NSMCE2: variants seen among roughly 807,000 people sequenced by gnomAD.
The protein encoded by NSMCE2 is NSE2 SUMO ligase component of SMC5/6 complex, also known as E3 SUMO-protein ligase NSE2.
In NSMCE2, 24 loss-of-function variants were observed where a neutral mutation model predicts 23.8. The observed-to-expected ratio is 1.01, with a 90% CI of 0.73 to 1.42. NSMCE2 has a LOEUF of 1.42. Ranked by LOEUF, NSMCE2 falls within the 40% of genes most tolerant of loss-of-function variation. NSMCE2 has a pLI of 0.00. For synonymous variants in NSMCE2, 92 were observed against 94.1 expected, an observed-to-expected ratio of 0.98 and a Z score of 0.13; for missense variants, 284 against 296.5, an observed-to-expected ratio of 0.96 and a Z score of 0.31.
chr8:125,266,153 G>A (rs112530279), intron 5 of NSMCE2, among the ~76,000 whole-genome samples: 4,936 of 148,218 alleles, frequency 0.033, 273 homozygotes, highest in African/African-American at 0.12. Context: ...AGTGCAATGC[G>A]CGATCTCCGC....
At chr8:125,336,815 A>T (rs1307790676) in intron 5 of NSMCE2, among the ~76,000 whole-genome samples, 1 of 152,236 alleles carries the variant, frequency 6.6e-6, no homozygotes, top group East Asian at 1.9e-4. Context: ...TCTTCAGATT[A>T]TAGTTCCAAG....
intron 5 of NSMCE2, among the ~76,000 whole-genome samples, chr8:125,337,902 A>AAAG (rs1554640503): frequency 2.0e-5 from 3 of 147,930 alleles, no homozygotes; most frequent in Admixed American, 6.8e-5. Context: ...AAAAAAAAAA[A>AAAG]AAAGAAAGAA....
At chr8:125,092,995 A>G (rs76876928) in intron 1 of NSMCE2, among the ~76,000 whole-genome samples, 213 of 152,310 alleles carry the variant, frequency 1.4e-3, no homozygotes, top group African/African-American at 4.9e-3. Context: ...AGATACTGCT[A>G]AATGTCCCCT....
chr8:125,211,850 T>C (rs1366692311), intron 5 of NSMCE2, among the ~76,000 whole-genome samples: 1 of 152,248 alleles, frequency 6.6e-6, no homozygotes, highest in Admixed American at 6.5e-5. Context: ...CCCACCTCCC[T>C]TCATTACAGT....
At position 125,349,662 on chromosome 8, in the gene NSMCE2, C is replaced by T. The variant is rs186180550; in HGVS notation, c.419-7557C>T. On this transcript the variant is annotated intron_variant, in intron 5 of 7. Coordinates refer to ENST00000287437, the MANE Select transcript of NSMCE2 (RefSeq NM_173685.4). ...AAGTACATAGCAATCAAATTTTATT[C>T]CCAGCTGGCATAAAACTTTCTAACT... Among the ~76,000 whole-genome samples, 643 of 152,100 alleles carry T rather than the reference C, an allele frequency of 4.2e-3. 2 individuals carry two copies. Among genetic ancestry groups the T allele is most frequent in the Middle Eastern group, 0.014 (4 of 294 alleles).
At chr8:125,347,329 T>C (rs913904320) in intron 5 of NSMCE2, among the ~76,000 whole-genome samples, 3 of 152,248 alleles carry the variant, frequency 2.0e-5, no homozygotes, top group Middle Eastern at 3.4e-3. Context: ...CCTTCCCTCT[T>C]CTTATCACAC....
intron 4 of NSMCE2, among the ~76,000 whole-genome samples, chr8:125,164,535 C>G (rs1276180555): frequency 6.6e-6 from 1 of 152,104 alleles, no homozygotes; most frequent in Non-Finnish European, 1.5e-5. Flanking sequence ...CAAAAAGTGA[C>G]TCCCCACACT....
chr8:125,150,418 C>CTTTTTTTTTTTT (rs1820932488), intron 3 of NSMCE2, among the ~76,000 whole-genome samples: 1 of 99,676 alleles, frequency 1.0e-5, no homozygotes, highest in Non-Finnish European at 2.1e-5. Context: ...TTTTTCTTTT[C>CTTTTTTTTTTTT]TTTCTTTCTT....
At chr8:125,244,158 A>C (rs1355727215) in intron 5 of NSMCE2, among the ~76,000 whole-genome samples, 1 of 152,180 alleles carries the variant, frequency 6.6e-6, no homozygotes, top group Non-Finnish European at 1.5e-5. Flanking sequence ...AGGGATCTAC[A>C]ATTATAGAAT....
rs1224763544 is a variant in NSMCE2 at position 125,175,218 on chromosome 8, T to TG, written c.265-6882dup. ...TGGGTTGGTGGTGTGTCATTAAGTG[T>TG]GGGCCAACTTCCTTAAATGTCTTGG... On this transcript the variant is annotated intron_variant, in intron 4 of 7. Transcript: ENST00000287437. Among the ~76,000 whole-genome samples, 6 of 152,280 alleles carry TG rather than the reference T, an allele frequency of 3.9e-5. No homozygotes were observed. In the East Asian group the frequency reaches 9.6e-4, roughly 24 times the overall value.
chr8:125,151,176 G>C lies in NSMCE2; in HGVS notation c.163G>C (p.Val55Leu). The change falls in exon 4 of 8, where the codon GTG (valine) becomes CTG (leucine). Residue 55 changes from valine to leucine, a missense_variant. By Grantham distance (32) the Val-to-Leu change is conservative. Coordinates refer to ENST00000287437, the MANE Select transcript of NSMCE2 (RefSeq NM_173685.4). ...ALDLVESQTE[V>L]SSEYSMDKAM... ...GCAATTTTTTTTTCTTTCAGCTGAA[G>C]TGAGTAGTGAATATAGTATGGACAA... 1 of 1,566,554 alleles carries C rather than the reference G, an allele frequency of 6.4e-7. No homozygotes were observed. Among genetic ancestry groups the C allele is most frequent in the Non-Finnish European group, 8.7e-7 (1 of 1,143,822 alleles).
rs112771289 is a variant in NSMCE2, at chr8:125,181,774, G to A, written c.265-329G>A. ...TGTGAGAGAGGACTGAGCAGACTTGGGTGGTGATGCTCAGGTCTGGTGAAG... is the reference window on the plus strand; with the variant it reads ...TGTGAGAGAGGACTGAGCAGACTTGAGTGGTGATGCTCAGGTCTGGTGAAG... On this transcript the variant is annotated intron_variant, in intron 4 of 7. Coordinates refer to ENST00000287437, the MANE Select transcript of NSMCE2 (RefSeq NM_173685.4). Among the ~76,000 whole-genome samples, 1,001 of 152,258 alleles carry A rather than the reference G, an allele frequency of 6.6e-3. 20 individuals carry two copies. The highest frequency in any genetic ancestry group is 0.023 in the African/African-American group (954 of 41,534).
chr8:125,189,210 A>G (rs988502159), intron 5 of NSMCE2, among the ~76,000 whole-genome samples: 9 of 152,234 alleles, frequency 5.9e-5, no homozygotes, highest in African/African-American at 2.2e-4. Flanking sequence ...AGGGTGCTCC[A>G]CACAGATGGA....
At chr8:125,331,087 G>A (rs1478431411) in intron 5 of NSMCE2, among the ~76,000 whole-genome samples, 1 of 152,082 alleles carries the variant, frequency 6.6e-6, no homozygotes, top group Non-Finnish European at 1.5e-5. Context: ...GGATCACGAG[G>A]TCAAGAGATC....
intron 5 of NSMCE2, among the ~76,000 whole-genome samples, chr8:125,279,059 G>A (rs1223460396): frequency 1.3e-5 from 2 of 152,084 alleles, no homozygotes; most frequent in Non-Finnish European, 2.9e-5. Context: ...TTAAATAAGT[G>A]GATTTATGTT....
chr8:125,092,440 T>C (rs1446254246), intron 1 of NSMCE2, among the ~76,000 whole-genome samples: 1 of 152,210 alleles, frequency 6.6e-6, no homozygotes, highest in East Asian at 1.9e-4. Flanking sequence ...TTATATGCAA[T>C]AGAATATGTC....
chr8:125,340,937 G>A lies in NSMCE2; in HGVS notation c.419-16282G>A, dbSNP rs1422010542. Among the ~76,000 whole-genome samples the A allele has an allele frequency of 3.9e-5, 6 of 152,250 alleles. No homozygotes were observed. In the East Asian group the frequency reaches 5.8e-4, roughly 15 times the overall value. On this transcript the variant is annotated intron_variant, in intron 5 of 7. Transcript: ENST00000287437. ...TGCATAATTTCTCTGCCTCCTTGATGTTCACCTTTCATTTATTTTTAGCCT... is the reference window on the plus strand; with the variant it reads ...TGCATAATTTCTCTGCCTCCTTGATATTCACCTTTCATTTATTTTTAGCCT...
At chr8:125,211,397 A>G (rs1407856351) in intron 5 of NSMCE2, among the ~76,000 whole-genome samples, 1 of 152,222 alleles carries the variant, frequency 6.6e-6, no homozygotes, top group African/African-American at 2.4e-5. Context: ...CTTTGTTCAC[A>G]TAATATATTT....
intron 5 of NSMCE2, among the ~76,000 whole-genome samples, chr8:125,276,776 C>G (rs556994817): frequency 6.6e-6 from 1 of 152,332 alleles, no homozygotes; most frequent in Non-Finnish European, 1.5e-5. Context: ...TACAGACAAG[C>G]AAATGGAATC....
Sources: allele counts gnomAD v4.1 joint callset (sites outside exome capture counted in the v4.1 genomes callset), GRCh38; gene constraint gnomAD v4.1.1; transcripts MANE v1.5; gene names NCBI Gene and HGNC (gene_info 2026-07-23, HGNC 2026-07-21).